PRRT1B: variants seen among roughly 807,000 people sequenced by gnomAD.
The protein encoded by PRRT1B is dispanin subfamily D member 2.
chr9:131,557,975 T>C (rs1951061090), intron 3 of PRRT1B, 78 bp from the exon 4 acceptor site: 3 of 398,146 alleles, frequency 7.5e-6, no homozygotes, highest in Non-Finnish European at 8.9e-6. Context: ...GAACTGGGCC[T>C]AGCCCTCAAT....
At chr9:131,559,754 A>G (rs1162701502), downstream of PRRT1B, among the ~76,000 whole-genome samples, 1 of 151,988 alleles carries the variant, frequency 6.6e-6, no homozygotes, top group African/African-American at 2.4e-5. Context: ...ACTCAAACCA[A>G]TAGCAAAGTG....
chr9:131,558,081 T>C, exon 4 of PRRT1B: 1 of 400,328 alleles, frequency 2.5e-6, no homozygotes, highest in Non-Finnish European at 4.4e-6. Context: ...AGGGGTGACC[T>C]GGCCCAGGCT....
chr9:131,552,548 G>A (rs1319150173), intron 1 of PRRT1B, among the ~76,000 whole-genome samples: 1 of 152,232 alleles, frequency 6.6e-6, no homozygotes, highest in African/African-American at 2.4e-5. Context: ...CGTAGTTTCA[G>A]GCCAGAAGTT....
chr9:131,553,056 C>G (rs1951022367), intron 1 of PRRT1B, among the ~76,000 whole-genome samples: 1 of 152,106 alleles, frequency 6.6e-6, no homozygotes, highest in Non-Finnish European at 1.5e-5. Context: ...TCAGATGCTT[C>G]CTTTTTGTAT....
At chr9:131,554,590 C>A (rs1165474367) in exon 2 of PRRT1B, 2 of 396,022 alleles carry the variant, frequency 5.1e-6, no homozygotes, top group South Asian at 2.5e-4. Context: ...AGCCCCGCCA[C>A]CCCCGAGGAC....
exon 4 of PRRT1B, chr9:131,558,216 G>A (rs1005696718): frequency 7.5e-6 from 3 of 400,904 alleles, no homozygotes; most frequent in African/African-American, 4.1e-5. Flanking sequence ...TGTGGCTCCT[G>A]CGGAGATGCC....
chr9:131,554,706 G>A, exon 2 of PRRT1B: 1 of 363,038 alleles, frequency 2.8e-6, no homozygotes, highest in Non-Finnish European at 4.9e-6. Flanking sequence ...CGAGGACGGG[G>A]CGCCCAGCGA....
In PRRT1B at chr9:131,556,061, C is replaced by T; in HGVS notation, c.499-9C>T. On this transcript the variant is annotated splice_polypyrimidine_tract_variant and intron_variant, in intron 2 of 3. Transcript: ENST00000636672. ...CAGCTCCCTCACCACTGTGGCTCTG[C>T]CCCCACAGTACAATGGCCCGATGGC... 1 of 400,994 alleles carries T rather than the reference C, an allele frequency of 2.5e-6. No homozygotes were observed. Among genetic ancestry groups the T allele is most frequent in the Non-Finnish European group, 4.4e-6 (1 of 226,466 alleles). The allele number at this position is 400,994 out of a possible 1,614,324, so 24.8% of individuals were successfully genotyped here. A position where few individuals can be genotyped will look rare whatever the true frequency, so the allele number is the denominator to read the frequency against.
rs143267741 is a variant in PRRT1B, at chr9:131,552,421, C to T, written c.26-2136C>T. On this transcript the variant is annotated intron_variant, in intron 1 of 3. Coordinates refer to ENST00000636672, the Ensembl canonical transcript of PRRT1B. ...CCTTTGAGCATTGGTCACTGTATGGCGAACAGTCTTGGATTGTGTCCTGGA... is the reference window on the plus strand; with the variant it reads ...CCTTTGAGCATTGGTCACTGTATGGTGAACAGTCTTGGATTGTGTCCTGGA... 3.3e-5 allele frequency among the ~76,000 whole-genome samples: 5 copies of T among 152,276 alleles called. No individual in the cohort carries two copies. The East Asian group carries it at 9.7e-4, about 29-fold the overall frequency.
chr9:131,553,258 A>G (rs1041857891), intron 1 of PRRT1B, among the ~76,000 whole-genome samples: 2 of 152,200 alleles, frequency 1.3e-5, no homozygotes, highest in African/African-American at 2.4e-5. Context: ...CTTCCCAAAC[A>G]GAAACTCTAC....
intron 1 of PRRT1B, among the ~76,000 whole-genome samples, chr9:131,550,988 G>A (rs1951008187): frequency 8.3e-6 from 1 of 120,656 alleles, no homozygotes; most frequent in Non-Finnish European, 1.6e-5. Flanking sequence ...TGTTTCCCAG[G>A]CTGGAGTGCA....
chr9:131,550,939 CTTTTTTTTT>C (rs546049217), intron 1 of PRRT1B, among the ~76,000 whole-genome samples: 3 of 75,968 alleles, frequency 3.9e-5, no homozygotes, highest in Admixed American at 1.7e-4. Context: ...TTTTCTTTTT[CTTTTTTTTT>C]TTTTTTTTTT....
chr9:131,553,709 A>C (rs72757684), intron 1 of PRRT1B, among the ~76,000 whole-genome samples: 30,112 of 152,240 alleles, frequency 0.2, 3,827 homozygotes, highest in Non-Finnish European at 0.29. Context: ...CTCCAAAGCC[A>C]GACCCCTGGC....
Position 131,551,867 on chromosome 9 carries a change from C to G in PRRT1B, c.26-2690C>G, listed in dbSNP as rs1398358535. Among the ~76,000 whole-genome samples, 1 of 152,188 alleles carries G rather than the reference C, an allele frequency of 6.6e-6. No homozygotes were observed. The highest frequency in any genetic ancestry group is 2.4e-5 in the African/African-American group (1 of 41,426). On this transcript the variant is annotated intron_variant, in intron 1 of 3. Coordinates refer to ENST00000636672, the Ensembl canonical transcript of PRRT1B. The surrounding 1 kb of genome is among the most constrained non-coding windows in gnomAD (Gnocchi z 4.4). ...CTTTTTGGACTCAGCCTGCCTGCAC[C>G]CAGGTGATTCAAAAGCTTTATTGCT...
intron 1 of PRRT1B, among the ~76,000 whole-genome samples, chr9:131,548,613 C>T (rs2132006656): frequency 6.6e-6 from 1 of 152,186 alleles, no homozygotes; most frequent in South Asian, 2.1e-4. Context: ...CAACTTGTCC[C>T]AAATCTTCCT....
At chr9:131,546,032 A>G (rs1245558688) in intron 1 of PRRT1B, among the ~76,000 whole-genome samples, 2 of 152,072 alleles carry the variant, frequency 1.3e-5, no homozygotes, top group East Asian at 3.9e-4. Context: ...GCTGCTGTGG[A>G]AAGTTCAGGA....
intron 1 of PRRT1B, among the ~76,000 whole-genome samples, chr9:131,550,107 G>C (rs1052497088): frequency 6.6e-6 from 1 of 152,038 alleles, no homozygotes; most frequent in South Asian, 2.1e-4. Flanking sequence ...GTTATCACTC[G>C]CCTGCTACAG....
chr9:131,559,685 G>A (rs1462283291), downstream of PRRT1B, among the ~76,000 whole-genome samples: 1 of 152,220 alleles, frequency 6.6e-6, no homozygotes, highest in Non-Finnish European at 1.5e-5. Context: ...TTTTTGTTCA[G>A]TAAGCAGGGC....
downstream of PRRT1B, among the ~76,000 whole-genome samples, chr9:131,559,314 G>T (rs956523980): frequency 1.3e-5 from 2 of 152,194 alleles, no homozygotes; most frequent in Non-Finnish European, 2.9e-5. Flanking sequence ...GTAGTGGCAG[G>T]CGCCTGTAAT....
Sources: gnomAD v4.1 joint callset for allele counts (sites outside exome capture counted in the v4.1 genomes callset) on GRCh38, gnomAD v4.1.1 for gene constraint, Gnocchi (gnomAD v3.1) non-coding constraint, MANE v1.5 for transcripts, NCBI Gene and HGNC (gene_info 2026-07-23, HGNC 2026-07-21) for gene names.